Variants in OTUD7A observed in about 807,000 individuals in gnomAD.
OTUD7A encodes the protein OTU domain-containing protein 7A.
In OTUD7A, 12 loss-of-function variants were observed where a neutral mutation model predicts 65.7. That is an observed-to-expected ratio of 0.18 (90% CI 0.12 to 0.30). OTUD7A has a LOEUF of 0.30. OTUD7A is among the 10% of genes least tolerant of loss of function. OTUD7A has a pLI of 1.00. For missense variants in OTUD7A, 1,148 were observed against 1,304.8 expected, an observed-to-expected ratio of 0.88 and a Z score of 1.85; for synonymous variants, 641 against 586.3, an observed-to-expected ratio of 1.09 and a Z score of -1.35.
intron 1 of OTUD7A, among the ~76,000 whole-genome samples, chr15:31,729,595 C>G (rs1164648034): frequency 6.6e-6 from 1 of 152,142 alleles, no homozygotes; most frequent in Non-Finnish European, 1.5e-5. Flanking sequence ...CATGTGGTAC[C>G]TGGGAAATAA....
At chr15:31,796,208 CTAT>C (rs1895955014) in intron 1 of OTUD7A, among the ~76,000 whole-genome samples, 1 of 143,538 alleles carries the variant, frequency 7.0e-6, no homozygotes, top group African/African-American at 2.8e-5. Context: ...ATCTATCTAT[CTAT>C]CTATCTATCT....
chr15:31,812,879 G>A (rs1896456297), intron 1 of OTUD7A, among the ~76,000 whole-genome samples: 1 of 152,184 alleles, frequency 6.6e-6, no homozygotes, highest in Non-Finnish European at 1.5e-5. Context: ...TAACATGCAA[G>A]TGATAAACAT....
At chr15:31,794,787 A>T (rs1895910234) in intron 1 of OTUD7A, among the ~76,000 whole-genome samples, 1 of 152,200 alleles carries the variant, frequency 6.6e-6, no homozygotes, top group Admixed American at 6.5e-5. Flanking sequence ...ATTCATAAGA[A>T]GAGAGCCAAT....
rs1014813530 is a variant in OTUD7A, at chr15:31,483,494, C to T, written c.2602G>A (p.Gly868Ser). Residue 868 changes from glycine (G) to serine (S), a missense_variant, in exon 13 of 13, where the codon GGC becomes AGC. Physicochemically the swap from Gly to Ser is moderately conservative, Grantham distance 56. This residue lies in a region of OTUD7A where 842 missense variants were observed against 769.5 expected (regional missense o/e 1.09). Coordinates refer to ENST00000307050, the MANE Select transcript of OTUD7A (RefSeq NM_001382637.1). ...GCGTCGGCGTCGGCGAACTCCAGGC[C>T]GTCGCGCAGGGCGCCGAAGCCGTTG... is the stretch of plus-strand genomic sequence containing the variant. ...YTNGFGALRD[G>S]LEFADADAPT... The T allele has an allele frequency of 2.9e-6, 4 of 1,396,442 alleles. No individual in the cohort carries two copies. The highest frequency in any genetic ancestry group is 1.4e-5 in the South Asian group (1 of 72,270). The allele number at this position is 1,396,442 out of a possible 1,614,324, so 86.5% of individuals were successfully genotyped here. A position where few individuals can be genotyped will look rare whatever the true frequency, so the allele number is the denominator to read the frequency against.
At chr15:31,675,576 G>A (rs576151059) in intron 1 of OTUD7A, among the ~76,000 whole-genome samples, 1 of 152,118 alleles carries the variant, frequency 6.6e-6, no homozygotes, top group African/African-American at 2.4e-5. Context: ...TAATTTTTTA[G>A]GACTTATCAG....
At chr15:31,848,249 G>C (rs1038806042) in intron 1 of OTUD7A, among the ~76,000 whole-genome samples, 32 of 152,290 alleles carry the variant, frequency 2.1e-4, no homozygotes, top group African/African-American at 7.5e-4. Context: ...AGAGGCAGGG[G>C]CTAGGGTCTT....
intron 1 of OTUD7A, among the ~76,000 whole-genome samples, chr15:31,848,450 T>TA (rs200760504): frequency 0.038 from 5,707 of 151,456 alleles, 261 homozygotes; most frequent in African/African-American, 0.11. Context: ...CTTTTTATTT[T>TA]TAAAAAAAAA....
Position 31,484,078 on chromosome 15 carries a change from C to T in OTUD7A, c.2018G>A (p.Ser673Asn). The T allele has an allele frequency of 6.3e-7, 1 of 1,592,926 alleles. No individual in the cohort carries two copies. The highest frequency in any genetic ancestry group is 8.5e-7 in the Non-Finnish European group (1 of 1,176,210). The change falls in exon 13 of 13, where the codon AGC becomes AAC. Residue 673 changes from serine (S) to asparagine (N), a missense_variant. By Grantham distance (46) the Ser-to-Asn change is conservative (BLOSUM62 1). This residue lies in a region of OTUD7A where 842 missense variants were observed against 769.5 expected (regional missense o/e 1.09). Coordinates refer to ENST00000307050, the MANE Select transcript of OTUD7A (RefSeq NM_001382637.1). The surrounding 1 kb of genome is among the most constrained non-coding windows in gnomAD (Gnocchi z 4.5). ...YYLTSAQERF[S>N]AEQEQRRRDA... The stretch of plus-strand genomic sequence containing the variant: ...GCGGCGCCGCTGCTCCTGCTCGGCG[C>T]TGAAGCGCTCCTGCGCGCTCGTCAG...
intron 1 of OTUD7A, among the ~76,000 whole-genome samples, chr15:31,782,094 G>A (rs930575218): frequency 2.0e-5 from 3 of 152,228 alleles, no homozygotes; most frequent in African/African-American, 7.2e-5. Context: ...CTCTGTAGGG[G>A]TGTCCTCAGA....
chr15:31,715,652 G>C (rs1893564348), intron 1 of OTUD7A, among the ~76,000 whole-genome samples: 1 of 127,464 alleles, frequency 7.8e-6, no homozygotes, highest in Admixed American at 8.3e-5. Flanking sequence ...CTGGGAACTT[G>C]CTTGTTTTGT....
At chr15:31,862,094 C>T (rs1897757588) in intron 1 of OTUD7A, among the ~76,000 whole-genome samples, 1 of 152,206 alleles carries the variant, frequency 6.6e-6, no homozygotes, top group African/African-American at 2.4e-5. Flanking sequence ...TCTGGTAGTA[C>T]CTCAGGTCAC....
At chr15:31,657,609 C>A (rs1595690161) in intron 1 of OTUD7A, among the ~76,000 whole-genome samples, 1 of 151,998 alleles carries the variant, frequency 6.6e-6, no homozygotes, top group African/African-American at 2.4e-5. Flanking sequence ...GATCCGCTCA[C>A]CTCAGCCTCC....
rs563002929 is a variant in OTUD7A, at chr15:31,581,967, A to G, written c.152-11770T>C. On this transcript the variant is annotated intron_variant, in intron 3 of 12. Transcript: ENST00000307050. ...GTTATGCTCTGCTTCCCTTTTCAAC[A>G]TAAGCTCCTATTCCAAACCATATCT... 3.2e-4 allele frequency among the ~76,000 whole-genome samples: 48 copies of G among 152,336 alleles called. 2 individuals carry two copies. In the Middle Eastern group the frequency reaches 0.017, roughly 54 times the overall value.
intron 3 of OTUD7A, among the ~76,000 whole-genome samples, chr15:31,579,687 T>C (rs66863932): frequency 0.33 from 50,263 of 152,128 alleles, 10,825 homozygotes; most frequent in African/African-American, 0.61. Context: ...CTATTGTATG[T>C]ATGTGCATGT....
chr15:31,504,495 G>C (rs1335134595), intron 8 of OTUD7A, among the ~76,000 whole-genome samples: 1 of 152,202 alleles, frequency 6.6e-6, no homozygotes, highest in Non-Finnish European at 1.5e-5. Context: ...GCAGAAGGTG[G>C]CAGCCTCGAT....
At chr15:31,730,012 CAG>C (rs1195330077) in intron 1 of OTUD7A, among the ~76,000 whole-genome samples, 1 of 152,142 alleles carries the variant, frequency 6.6e-6, no homozygotes, top group Non-Finnish European at 1.5e-5. Context: ...CCTAGCCCCC[CAG>C]GGTAATGTTA....
intron 8 of OTUD7A, among the ~76,000 whole-genome samples, chr15:31,506,280 T>G (rs761185139): frequency 6.6e-6 from 1 of 152,148 alleles, no homozygotes; most frequent in Non-Finnish European, 1.5e-5. Context: ...TAGGTCCTAA[T>G]TGCTTAGCTA....
At chr15:31,570,227 A>G (rs1438838151) in intron 3 of OTUD7A, 30 bp from the exon 4 acceptor site, 1 of 1,607,980 alleles carries the variant, frequency 6.2e-7, no homozygotes, top group Non-Finnish European at 8.5e-7. Flanking sequence ...AGAGGTGACA[A>G]TACGAACGCA....
At chr15:31,596,085 G>A (rs1216346768) in intron 3 of OTUD7A, among the ~76,000 whole-genome samples, 5 of 151,908 alleles carry the variant, frequency 3.3e-5, no homozygotes, top group East Asian at 1.9e-4. Flanking sequence ...CCTGATTAGC[G>A]ACCTGAATTC....
Sources: gnomAD v4.1 joint callset for allele counts (sites outside exome capture counted in the v4.1 genomes callset) on GRCh38, gnomAD v4.1.1 for gene constraint, gnomAD v4.1.1 regional missense constraint, Gnocchi (gnomAD v3.1) non-coding constraint, MANE v1.5 for transcripts, NCBI Gene and HGNC (gene_info 2026-07-23, HGNC 2026-07-21) for gene names.